Variants in COL27A1 observed in about 807,000 individuals in gnomAD.
The protein encoded by COL27A1 is collagen alpha-1(XXVII) chain.
In COL27A1, 106 loss-of-function variants were observed where a neutral mutation model predicts 251.3. The observed-to-expected ratio is 0.42, with a 90% CI of 0.36 to 0.50. The LOEUF is 0.50. COL27A1 is among the 20% of genes least tolerant of loss of function. COL27A1 has a pLI of 0.00. For missense variants in COL27A1, 2,325 were observed against 2,522.8 expected (o/e 0.92, Z 1.68); for synonymous variants, 1,000 against 986.3 (o/e 1.01, Z -0.26).
chr9:114,169,707 T>G (rs1849177236), intron 3 of COL27A1, among the ~76,000 whole-genome samples: 1 of 152,192 alleles, frequency 6.6e-6, no homozygotes, highest in South Asian at 2.1e-4. Flanking sequence ...TACCCCCAGG[T>G]GAAGAGCATC....
At chr9:114,205,026 G>C in intron 7 of COL27A1, 76 bp from the exon 8 acceptor site, 2 of 1,432,770 alleles carry the variant, frequency 1.4e-6, no homozygotes, top group Non-Finnish European at 2.0e-6. Flanking sequence ...AGGGCAGGCC[G>C]GGAGGCTGGG....
At chr9:114,182,346 A>G (rs2074385104) in intron 4 of COL27A1, among the ~76,000 whole-genome samples, 1 of 151,664 alleles carries the variant, frequency 6.6e-6, no homozygotes. Context: ...ACTACAGTCT[A>G]GCCCAGGCGA....
chr9:114,231,118 C>A lies in COL27A1; in HGVS notation c.2506C>A (p.Pro836Thr). 6.2e-7 allele frequency: 1 copy of A among 1,613,382 alleles called. No individual in the cohort carries two copies. The highest frequency in any genetic ancestry group is 8.5e-7 in the Non-Finnish European group (1 of 1,179,680). Residue 836 changes from proline to threonine, a missense_variant, in exon 15 of 61, where the codon CCC becomes ACC. By Grantham distance (38) the Pro-to-Thr change is conservative (BLOSUM62 -1). Around this residue, in one of 4 missense-constraint regions of COL27A1, gnomAD observed 1,183 missense variants for 1,144.1 expected, o/e 1.03. Transcript: ENST00000356083. ...GVLGPIGYPGPKGMKGLMGSV... is the reference protein window; with the variant it reads ...GVLGPIGYPGTKGMKGLMGSV... ...GTTGGGTCCGATTGGCTACCCGGGA[C>A]CCAAGGGCATGAAGGTAAGCAAGGG...
chr9:114,262,825 G>A (rs910934217), intron 28 of COL27A1, among the ~76,000 whole-genome samples: 10 of 152,222 alleles, frequency 6.6e-5, no homozygotes, highest in African/African-American at 2.4e-4. Flanking sequence ...TTTGATCAGT[G>A]GGGTGCTCTT....
At chr9:114,156,090 T>A in intron 1 of COL27A1, 78 bp downstream of exon 1, 1 of 1,285,954 alleles carries the variant, frequency 7.8e-7, no homozygotes, top group Non-Finnish European at 9.9e-7. Flanking sequence ...TTCCCCGCCA[T>A]GCGGTCGCTT....
At position 114,169,309 on chromosome 9, in the gene COL27A1, A is replaced by G; in HGVS notation, c.1754A>G (p.Gln585Arg). 6.2e-7 allele frequency: 1 copy of G among 1,612,698 alleles called. No individual in the cohort carries two copies. Among genetic ancestry groups the G allele is most frequent in the Non-Finnish European group, 8.5e-7 (1 of 1,179,524 alleles). Residue 585 changes from glutamine to arginine, a missense_variant, in exon 3 of 61, where the codon CAG (glutamine) becomes CGG (arginine). Transcript: ENST00000356083. ...CCCAGACAGCCCCAGCCCAGTCAGC[A>G]GACCACCCCGGCCCTGGTATTGGCC... ...PSPRQPQPSQ[Q>R]TTPALVLAPA... is the part of the protein sequence containing the mutation.
chr9:114,229,366 C>T (rs893405762), intron 14 of COL27A1, among the ~76,000 whole-genome samples: 20 of 152,198 alleles, frequency 1.3e-4, no homozygotes, highest in African/African-American at 4.6e-4. Context: ...TCTCTCTCCT[C>T]GGGGGCATTC....
At chr9:114,173,347 A>G (rs928852320) in intron 3 of COL27A1, among the ~76,000 whole-genome samples, 12 of 152,236 alleles carry the variant, frequency 7.9e-5, no homozygotes, top group African/African-American at 1.4e-4. Context: ...GTGACTATCT[A>G]TCTATGAAAT....
At chr9:114,306,943 T>G in intron 58 of COL27A1, 2 of 438,446 alleles carry the variant, frequency 4.6e-6, no homozygotes, top group Non-Finnish European at 4.1e-6. Context: ...TCCCCACCCC[T>G]GGGGCCCATC....
intron 2 of COL27A1, among the ~76,000 whole-genome samples, chr9:114,166,716 A>AG (rs1274485530): frequency 6.6e-6 from 1 of 152,224 alleles, no homozygotes; most frequent in Non-Finnish European, 1.5e-5. Flanking sequence ...AGCTGACTGA[A>AG]GGGGTCTAAT....
intron 13 of COL27A1, among the ~76,000 whole-genome samples, 182 bp from the exon 14 acceptor site, chr9:114,222,041 G>A (rs991114598): frequency 6.6e-6 from 1 of 152,240 alleles, no homozygotes; most frequent in Non-Finnish European, 1.5e-5. Context: ...ATGGCAGAGA[G>A]GGGATGGCTG....
rs898240461 is a variant in COL27A1, at chr9:114,275,828, T to C, written c.3717+60T>C. 8 of 1,149,754 alleles carry C rather than the reference T, an allele frequency of 7.0e-6. No homozygotes were observed. The African/African-American group carries it at 9.3e-5, about 13-fold the overall frequency. 71.2% of individuals were successfully genotyped at this position (1,149,754 alleles called of 1,614,324 possible). On this transcript the variant is annotated intron_variant, in intron 37 of 60. Coordinates refer to ENST00000356083, the MANE Select transcript of COL27A1 (RefSeq NM_032888.4). ...CTGGGGTACCCTGAACTCTCATGCCTGTGCAGGCGGCTGGGCGGGAGGGCT... is the reference window on the plus strand; with the variant it reads ...CTGGGGTACCCTGAACTCTCATGCCCGTGCAGGCGGCTGGGCGGGAGGGCT...
At chr9:114,161,653 C>T (rs1022974247) in intron 1 of COL27A1, among the ~76,000 whole-genome samples, 3 of 152,244 alleles carry the variant, frequency 2.0e-5, no homozygotes, top group African/African-American at 7.2e-5. Flanking sequence ...TAGCCCTCAC[C>T]ACCCACCTGA....
chr9:114,218,838 A>G (rs1394627451), intron 12 of COL27A1, among the ~76,000 whole-genome samples: 1 of 152,234 alleles, frequency 6.6e-6, no homozygotes, highest in South Asian at 2.1e-4. Context: ...TAGTGTACTC[A>G]CTGGACTCCT....
intron 3 of COL27A1, among the ~76,000 whole-genome samples, chr9:114,172,016 TC>T (rs1217392493): frequency 6.6e-6 from 1 of 152,068 alleles, no homozygotes; most frequent in African/African-American, 2.4e-5. Flanking sequence ...CTCTTTCTGC[TC>T]CTTCAGCCCT....
rs140673791 is a variant in COL27A1 at position 114,261,227 on chromosome 9, A to C, written c.3195+2633A>C. Among the ~76,000 whole-genome samples the C allele has an allele frequency of 2.7e-3, 406 of 152,240 alleles. 1 individual carries two copies. Among genetic ancestry groups the C allele is most frequent in the African/African-American group, 9.4e-3 (392 of 41,558 alleles). On this transcript the variant is annotated intron_variant, in intron 28 of 60. Transcript: ENST00000356083. ...GGCCAGATTTTCTGTCCCAGGCAGG[A>C]GCTCCTCCCCACCAAGCCTGATCCC...
intron 5 of COL27A1, 87 bp downstream of exon 5, chr9:114,183,162 G>C (rs1828067423): frequency 7.8e-7 from 1 of 1,281,810 alleles, no homozygotes; most frequent in South Asian, 1.2e-5. Flanking sequence ...CCTGGTGGGA[G>C]GGCTTCAGGG....
chr9:114,175,089 C>T (rs1454455349), intron 3 of COL27A1, among the ~76,000 whole-genome samples: 7 of 152,394 alleles, frequency 4.6e-5, no homozygotes, highest in African/African-American at 7.2e-5. Flanking sequence ...GGACTTGTTC[C>T]GTAGGATGGG....
Position 114,219,773 on chromosome 9 carries a change from C to T in COL27A1, c.2368-18C>T, listed in dbSNP as rs758678083. The T allele has an allele frequency of 6.3e-7, 1 of 1,589,966 alleles. No homozygotes were observed. Among genetic ancestry groups the T allele is most frequent in the Non-Finnish European group, 8.6e-7 (1 of 1,158,200 alleles). On this transcript the variant is annotated intron_variant, in intron 12 of 60. Coordinates refer to ENST00000356083, the MANE Select transcript of COL27A1 (RefSeq NM_032888.4). ...CAACACTAACCTACAGATGTTTGTT[C>T]TCTCTCATGCCCTCCAGGGGTTTCC...
Sources: gnomAD v4.1 joint callset for allele counts (sites outside exome capture counted in the v4.1 genomes callset) on GRCh38, gnomAD v4.1.1 for gene constraint, gnomAD v4.1.1 regional missense constraint, MANE v1.5 for transcripts, NCBI Gene and HGNC (gene_info 2026-07-23, HGNC 2026-07-21) for gene names.